The following CRB1 variants were observed in gnomAD, a reference collection of about 807,000 sequenced individuals.
CRB1 encodes the protein protein crumbs homolog 1.
A neutral mutation model predicts 120.0 loss-of-function variants in CRB1; 83 were observed. That is an observed-to-expected ratio of 0.69 (90% CI 0.58 to 0.83). The LOEUF (loss-of-function observed/expected upper bound fraction) is 0.83. Among genes scored for constraint, CRB1 ranks in the 40% least tolerant of loss-of-function variants. CRB1 has a pLI of 0.00. For synonymous variants in CRB1, 625 were observed against 612.5 expected (o/e 1.02, Z -0.30); for missense variants, 1,699 against 1,687.6 (o/e 1.01, Z -0.12).
At chr1:197,233,677 A>G in the CRB1 span, among the ~76,000 whole-genome samples, 2 of 152,172 alleles carry the variant, frequency 1.3e-5, no homozygotes, top group Non-Finnish European at 2.9e-5. Flanking sequence ...GGAGCCAAAC[A>G]TGTTCCTCCT....
At chr1:197,429,370 CAGATAT>C in intron 7 of CRB1, 73 bp from the exon 8 acceptor site, 2 of 1,523,832 alleles carry the variant, frequency 1.3e-6, no homozygotes, top group Non-Finnish European at 1.8e-6. Flanking sequence ...TTTAAAAAAA[CAGATAT>C]GTGGTTTCAC....
chr1:197,279,656 A>C (rs1023346554), intron 1 of CRB1, among the ~76,000 whole-genome samples: 4 of 151,530 alleles, frequency 2.6e-5, no homozygotes, highest in African/African-American at 9.7e-5. Context: ...AACTACTTGA[A>C]GTTCAGAATA....
chr1:197,258,081 A>G, the CRB1 span, among the ~76,000 whole-genome samples: 1 of 152,212 alleles, frequency 6.6e-6, no homozygotes, highest in Non-Finnish European at 1.5e-5. Context: ...ATAGTTAGAA[A>G]GAATAAATAA....
At chr1:197,469,624 G>C (rs1039310996) in intron 11 of CRB1, among the ~76,000 whole-genome samples, 3 of 151,806 alleles carry the variant, frequency 2.0e-5, no homozygotes, top group Admixed American at 2.0e-4. Flanking sequence ...GAAATAAAGA[G>C]AAGAAAAGAA....
intron 5 of CRB1, among the ~76,000 whole-genome samples, chr1:197,382,831 TAC>T (rs1204244183): frequency 6.6e-6 from 1 of 152,160 alleles, no homozygotes; most frequent in African/African-American, 2.4e-5. Flanking sequence ...TTGCACAGTT[TAC>T]AGTCTTGGGA....
chr1:197,298,692 G>A (rs1656683531), intron 1 of CRB1, among the ~76,000 whole-genome samples: 1 of 151,886 alleles, frequency 6.6e-6, no homozygotes, highest in Non-Finnish European at 1.5e-5. Flanking sequence ...GGCTCAAGGG[G>A]TAAATATATA....
At chr1:197,348,712 G>A (rs1457173520) in intron 4 of CRB1, among the ~76,000 whole-genome samples, 1 of 152,128 alleles carries the variant, frequency 6.6e-6, no homozygotes, top group South Asian at 2.1e-4. Context: ...TCCTAACCTT[G>A]TGATCCGCCC....
At chr1:197,322,362 C>T (rs1270705064) in intron 1 of CRB1, among the ~76,000 whole-genome samples, 1 of 151,772 alleles carries the variant, frequency 6.6e-6, no homozygotes, top group Admixed American at 6.6e-5. Context: ...ACTCAGGAGG[C>T]TGAGGCATGA....
the CRB1 span, among the ~76,000 whole-genome samples, chr1:197,241,798 C>T: frequency 6.6e-6 from 1 of 150,546 alleles, no homozygotes; most frequent in Non-Finnish European, 1.5e-5. Context: ...TGGCCATTTT[C>T]ACAGTATTGA....
chr1:197,208,718 C>T, the CRB1 span, among the ~76,000 whole-genome samples: 12 of 152,254 alleles, frequency 7.9e-5, no homozygotes, highest in African/African-American at 2.9e-4. Flanking sequence ...CTTTCAAGAC[C>T]ACATCACCTC....
chr1:197,384,123 C>T (rs1437967570), intron 5 of CRB1, among the ~76,000 whole-genome samples: 2 of 152,174 alleles, frequency 1.3e-5, no homozygotes, highest in African/African-American at 2.4e-5. Context: ...TTGCTTACCT[C>T]TCTACTTTCT....
intron 5 of CRB1, among the ~76,000 whole-genome samples, chr1:197,412,177 A>G (rs1663745534): frequency 6.6e-6 from 1 of 152,228 alleles, no homozygotes; most frequent in Non-Finnish European, 1.5e-5. Context: ...CTGCCTAAGG[A>G]TGGTCATTAT....
At chr1:197,437,567 A>G (rs1665224205) in intron 9 of CRB1, among the ~76,000 whole-genome samples, 1 of 152,156 alleles carries the variant, frequency 6.6e-6, no homozygotes, top group African/African-American at 2.4e-5. Context: ...GATGTATACA[A>G]AGCTTCATAT....
At chr1:197,288,575 C>A (rs994465291) in intron 1 of CRB1, among the ~76,000 whole-genome samples, 4 of 151,542 alleles carry the variant, frequency 2.6e-5, no homozygotes, top group African/African-American at 9.7e-5. Context: ...GATAAGGGCA[C>A]CAAAACAGTT....
chr1:197,293,174 G>T (rs900910382), intron 1 of CRB1, among the ~76,000 whole-genome samples: 2 of 152,152 alleles, frequency 1.3e-5, no homozygotes, highest in African/African-American at 4.8e-5. Flanking sequence ...CATCGTCTCA[G>T]TGCAAAATCT....
chr1:197,286,876 T>G (rs1190040803), intron 1 of CRB1, among the ~76,000 whole-genome samples: 1 of 151,938 alleles, frequency 6.6e-6, no homozygotes, highest in Non-Finnish European at 1.5e-5. Context: ...TTTGATTATT[T>G]AAGCATTTGA....
At chr1:197,432,264 G>A (rs1664904134) in intron 8 of CRB1, among the ~76,000 whole-genome samples, 2 of 151,000 alleles carry the variant, frequency 1.3e-5, no homozygotes, top group African/African-American at 2.4e-5. Flanking sequence ...GGAGAATTTT[G>A]GAGATTTTTT....
chr1:197,237,551 C>T, the CRB1 span, among the ~76,000 whole-genome samples: 2 of 152,168 alleles, frequency 1.3e-5, no homozygotes, highest in African/African-American at 2.4e-5. Flanking sequence ...AACATTCAGA[C>T]AATAGACATA....
chr1:197,222,385 C>G, the CRB1 span: 1 of 764,676 alleles, frequency 1.3e-6, no homozygotes, highest in Non-Finnish European at 2.4e-6. Context: ...GAAAACCTTT[C>G]TTGGCCAGGA....
Sources: allele counts gnomAD v4.1 joint callset (sites outside exome capture counted in the v4.1 genomes callset), GRCh38; gene constraint gnomAD v4.1.1; transcripts MANE v1.5; gene names NCBI Gene and HGNC (gene_info 2026-07-23, HGNC 2026-07-21).